The following LRRIQ3 variants were observed in gnomAD, a reference collection of about 807,000 sequenced individuals.
The protein encoded by LRRIQ3 is leucine rich repeats and IQ motif containing 3.
In LRRIQ3, 75 loss-of-function variants were observed where a neutral mutation model predicts 59.3. The ratio of observed to expected loss-of-function variants is 1.26; its 90% CI spans 1.05 to 1.53. The LOEUF is 1.53. LRRIQ3 is among the 40% of genes most tolerant of loss of function. The pLI is 0.00. For synonymous variants in LRRIQ3, 250 were observed against 231.3 expected (o/e 1.08, Z -0.73); for missense variants, 831 against 710.0 (o/e 1.17, Z -1.94).
intron 7 of LRRIQ3, among the ~76,000 whole-genome samples, chr1:74,030,764 G>A (rs149257919): frequency 0.019 from 2,925 of 151,960 alleles, 82 homozygotes; most frequent in African/African-American, 0.067. Flanking sequence ...GACAAATGGG[G>A]TCTAATTAAA....
intron 7 of LRRIQ3, among the ~76,000 whole-genome samples, chr1:74,034,987 A>G (rs1168237087): frequency 2.0e-5 from 3 of 152,032 alleles, no homozygotes; most frequent in African/African-American, 7.2e-5. Flanking sequence ...TTTCAATCTA[A>G]TATCAGAGAA....
Position 74,109,528 on chromosome 1 carries a change from GTT to G in LRRIQ3, c.731_732del (p.Lys244ThrfsTer7). 3.1e-6 allele frequency: 4 copies of G among 1,288,190 alleles called. No homozygotes were observed. Among genetic ancestry groups the G allele is most frequent in the Admixed American group, 4.7e-5 (2 of 42,128 alleles). 79.8% of individuals were successfully genotyped at this position (1,288,190 alleles called of 1,614,324 possible). ...TATCCTCTAATAATTTTTTCCTGCTGTTTTTTTTTGTGGAAAAACACAGGGCT... is the reference window on the plus strand; with the variant it reads ...TATCCTCTAATAATTTTTTCCTGCTGTTTTTTTGTGGAAAAACACAGGGCT... ...NLSPVFFHKK[K>X]QQEKIIRGYE... On this transcript the variant is annotated frameshift_variant, in exon 5 of 8. Transcript: ENST00000354431. LOFTEE classifies it high-confidence loss of function.
intron 4 of LRRIQ3, among the ~76,000 whole-genome samples, chr1:74,138,150 A>T (rs187333356): frequency 1.4e-5 from 1 of 72,778 alleles, no homozygotes; most frequent in Admixed American, 1.8e-4. Context: ...CTTCCTTTAA[A>T]AAAACAAACA....
At chr1:74,168,532 A>G (rs2100694433) in intron 3 of LRRIQ3, among the ~76,000 whole-genome samples, 1 of 152,200 alleles carries the variant, frequency 6.6e-6, no homozygotes, top group Non-Finnish European at 1.5e-5. Flanking sequence ...TTGAAGCCCA[A>G]TTTGCCAATC....
chr1:74,175,421 G>T (rs1341419451), intron 3 of LRRIQ3, among the ~76,000 whole-genome samples: 3 of 152,084 alleles, frequency 2.0e-5, no homozygotes, highest in Non-Finnish European at 2.9e-5. Flanking sequence ...CAAGATAGAA[G>T]TGCACTTCTC....
chr1:74,188,458 CTTAG>C (rs906590030), intron 1 of LRRIQ3, among the ~76,000 whole-genome samples: 1 of 152,156 alleles, frequency 6.6e-6, no homozygotes, highest in Non-Finnish European at 1.5e-5. Flanking sequence ...ACCCTGGCTT[CTTAG>C]TTAATGAAAT....
chr1:74,164,193 A>C (rs1235096330), intron 3 of LRRIQ3, among the ~76,000 whole-genome samples: 1 of 151,346 alleles, frequency 6.6e-6, no homozygotes, highest in African/African-American at 2.4e-5. Flanking sequence ...TTTCAGATAC[A>C]GGGTGCTATA....
intron 4 of LRRIQ3, among the ~76,000 whole-genome samples, chr1:74,115,206 C>G (rs1424444955): frequency 6.6e-6 from 1 of 152,004 alleles, no homozygotes; most frequent in African/African-American, 2.4e-5. Flanking sequence ...AAACACTGTT[C>G]TAGACTCTAA....
chr1:74,136,347 T>C (rs983395918), intron 4 of LRRIQ3, among the ~76,000 whole-genome samples: 5 of 151,814 alleles, frequency 3.3e-5, no homozygotes, highest in Non-Finnish European at 5.9e-5. Context: ...CCTCCAGAAA[T>C]AGAGAAAGAA....
At chr1:74,029,263 T>A (rs892753468) in intron 7 of LRRIQ3, among the ~76,000 whole-genome samples, 8 of 152,042 alleles carry the variant, frequency 5.3e-5, no homozygotes, top group South Asian at 2.1e-4. Context: ...TGAATAGGAG[T>A]GGCGAGAGAG....
chr1:74,030,707 A>T (rs1653679548), intron 7 of LRRIQ3, among the ~76,000 whole-genome samples: 1 of 152,210 alleles, frequency 6.6e-6, no homozygotes, highest in Non-Finnish European at 1.5e-5. Context: ...ATGGGCAAGG[A>T]CTTCATGTCT....
chr1:74,067,796 C>A (rs116050764), intron 6 of LRRIQ3, among the ~76,000 whole-genome samples: 5,093 of 152,066 alleles, frequency 0.033, 307 homozygotes, highest in African/African-American at 0.12. Context: ...CTTAAGTTTG[C>A]GCCCTTGTCT....
chr1:74,050,594 A>G (rs1654341675), intron 6 of LRRIQ3: 3 of 985,170 alleles, frequency 3.0e-6, no homozygotes, highest in Non-Finnish European at 3.6e-6. Context: ...AAATGGTCCA[A>G]ACCTATTTAA....
At position 74,182,572 on chromosome 1, in the gene LRRIQ3, C is replaced by T. The variant is rs571959184; in HGVS notation, c.539G>A (p.Arg180Gln). 72 of 1,575,622 alleles carry T rather than the reference C, an allele frequency of 4.6e-5. No homozygotes were observed. In the South Asian group the frequency reaches 7.4e-4, roughly 16 times the overall value. Residue 180 changes from arginine to glutamine, a missense_variant, in exon 3 of 8, where the codon CGA becomes CAA. By Grantham distance (43) the Arg-to-Gln change is conservative. Coordinates refer to ENST00000354431, the MANE Select transcript of LRRIQ3 (RefSeq NM_001105659.2). ...LPERFKACNH[R>Q]LFFNFCPALR... ...AGCTGGGCAGAAATTAAAGAAAAGTCGATGGTTACATGCTTTGAATCTTTC... is the reference window on the plus strand; with the variant it reads ...AGCTGGGCAGAAATTAAAGAAAAGTTGATGGTTACATGCTTTGAATCTTTC...
At chr1:74,103,371 T>G (rs1446801688) in intron 5 of LRRIQ3, among the ~76,000 whole-genome samples, 1 of 151,948 alleles carries the variant, frequency 6.6e-6, no homozygotes, top group Non-Finnish European at 1.5e-5. Context: ...TAAAATAAAT[T>G]GCATTACTGG....
intron 4 of LRRIQ3, among the ~76,000 whole-genome samples, chr1:74,137,741 C>A (rs1647148166): frequency 6.6e-6 from 1 of 151,964 alleles, no homozygotes; most frequent in African/African-American, 2.4e-5. Context: ...GGCACATATA[C>A]AACATGGAAT....
In LRRIQ3 at chr1:74,047,042, C is replaced by T. The variant is rs144751662; in HGVS notation, c.998-5109G>A. 3.3e-3 allele frequency among the ~76,000 whole-genome samples: 499 copies of T among 152,170 alleles called. 3 individuals carry two copies. Among genetic ancestry groups the T allele is most frequent in the African/African-American group, 0.011 (456 of 41,528 alleles). ...TCAACCATTGTGGGAGACAGTGTGG[C>T]GATTCCTCCAGGATATAGAACCAGA... On this transcript the variant is annotated intron_variant, in intron 6 of 7. Coordinates refer to ENST00000354431, the MANE Select transcript of LRRIQ3 (RefSeq NM_001105659.2).
At chr1:74,036,412 AC>A (rs1653874693) in intron 7 of LRRIQ3, among the ~76,000 whole-genome samples, 3 of 152,144 alleles carry the variant, frequency 2.0e-5, no homozygotes, top group Non-Finnish European at 4.4e-5. Context: ...TCATACTTCT[AC>A]AAAATTGTCT....
intron 3 of LRRIQ3, among the ~76,000 whole-genome samples, chr1:74,171,389 A>G (rs1466124353): frequency 6.6e-6 from 1 of 152,132 alleles, no homozygotes; most frequent in Non-Finnish European, 1.5e-5. Flanking sequence ...GTTTTTCTGC[A>G]TCTATGGAGA....
Sources: allele counts gnomAD v4.1 joint callset (sites outside exome capture counted in the v4.1 genomes callset), GRCh38; gene constraint gnomAD v4.1.1; transcripts MANE v1.5; gene names NCBI Gene and HGNC (gene_info 2026-07-23, HGNC 2026-07-21).